The following ST6GALNAC3 variants were observed in gnomAD, a reference collection of about 807,000 sequenced individuals.
The protein encoded by ST6GALNAC3 is alpha-N-acetylgalactosaminide alpha-2,6-sialyltransferase 3.
A neutral mutation model predicts 32.7 loss-of-function variants in ST6GALNAC3; 25 were observed. The observed-to-expected ratio is 0.76, with a 90% CI of 0.56 to 1.07. ST6GALNAC3 has a LOEUF of 1.07. Among genes scored for constraint, ST6GALNAC3 ranks in the 50% least tolerant of loss-of-function variants. The pLI is 0.00. For synonymous variants in ST6GALNAC3, 129 were observed against 133.1 expected (o/e 0.97, Z 0.21); for missense variants, 355 against 382.4 (o/e 0.93, Z 0.60).
chr1:76,157,479 G>A (rs1325193022), intron 1 of ST6GALNAC3, among the ~76,000 whole-genome samples: 2 of 152,170 alleles, frequency 1.3e-5, no homozygotes, highest in African/African-American at 4.8e-5. Flanking sequence ...AGAGTACAGT[G>A]CTTGTGTACG....
chr1:76,272,054 G>A (rs548661379), intron 1 of ST6GALNAC3, among the ~76,000 whole-genome samples: 27 of 152,086 alleles, frequency 1.8e-4, no homozygotes, highest in South Asian at 1.2e-3. Flanking sequence ...AAAGCCGGGC[G>A]CGGTGGCTCA....
chr1:76,285,989 A>G (rs1337689582), intron 1 of ST6GALNAC3, among the ~76,000 whole-genome samples: 1 of 151,956 alleles, frequency 6.6e-6, no homozygotes, highest in Admixed American at 6.6e-5. Context: ...ACAGATGGAG[A>G]CACAGGAAAG....
chr1:76,464,535 T>C (rs146622581), intron 3 of ST6GALNAC3, among the ~76,000 whole-genome samples: 2 of 152,298 alleles, frequency 1.3e-5, no homozygotes, highest in Admixed American at 1.3e-4. Context: ...TGCTGACAAG[T>C]TGACCACCAG....
chr1:76,142,855 T>C, intron 1 of ST6GALNAC3: 1 of 455,376 alleles, frequency 2.2e-6, no homozygotes, highest in Non-Finnish European at 4.4e-6. Context: ...TTTCATCTGC[T>C]TCTGGATCAC....
intron 3 of ST6GALNAC3, among the ~76,000 whole-genome samples, chr1:76,481,201 A>T (rs1034257230): frequency 6.6e-6 from 1 of 152,210 alleles, no homozygotes; most frequent in African/African-American, 2.4e-5. Context: ...ATCCACATTC[A>T]TCAAGAAAAT....
At chr1:76,527,936 TC>T (rs1663015636) in intron 3 of ST6GALNAC3, among the ~76,000 whole-genome samples, 1 of 152,108 alleles carries the variant, frequency 6.6e-6, no homozygotes, top group South Asian at 2.1e-4. Flanking sequence ...AATCAACTGT[TC>T]CCTGACTTTG....
At chr1:76,169,696 G>A (rs938167919) in intron 1 of ST6GALNAC3, among the ~76,000 whole-genome samples, 1 of 151,822 alleles carries the variant, frequency 6.6e-6, no homozygotes, top group African/African-American at 2.4e-5. Context: ...GTCTTATTTC[G>A]GAAAGCCAGT....
intron 3 of ST6GALNAC3, among the ~76,000 whole-genome samples, chr1:76,530,799 A>G (rs1663204693): frequency 6.6e-6 from 1 of 152,162 alleles, no homozygotes; most frequent in African/African-American, 2.4e-5. Context: ...TGGTAACATA[A>G]CCAGTGATTT....
intron 3 of ST6GALNAC3, among the ~76,000 whole-genome samples, chr1:76,511,288 GTCC>G (rs1284039312): frequency 1.3e-5 from 2 of 152,170 alleles, no homozygotes; most frequent in African/African-American, 4.8e-5. Flanking sequence ...TCTGACCTCA[GTCC>G]TCCTCTCTGA....
Position 76,161,110 on chromosome 1 carries a change from T to C in ST6GALNAC3, c.18+86226T>C, listed in dbSNP as rs556370718. On this transcript the variant is annotated intron_variant, in intron 1 of 4. Transcript: ENST00000328299. ...GGTGACCTCTTGCTACTCTCCAGCA[T>C]TGTTAAGTGCTATTGCCTTTCAGAC... Among the ~76,000 whole-genome samples, 3 of 152,298 alleles carry C rather than the reference T, an allele frequency of 2.0e-5. No homozygotes were observed. In the East Asian group the frequency reaches 5.8e-4, roughly 29 times the overall value.
At chr1:76,154,907 G>T (rs1239899986) in intron 1 of ST6GALNAC3, among the ~76,000 whole-genome samples, 1 of 152,174 alleles carries the variant, frequency 6.6e-6, no homozygotes, top group Non-Finnish European at 1.5e-5. Flanking sequence ...TCATCTGGCA[G>T]CCACTGGGTG....
chr1:76,428,876 T>C (rs2101429344), intron 3 of ST6GALNAC3, among the ~76,000 whole-genome samples: 1 of 152,280 alleles, frequency 6.6e-6, no homozygotes. Context: ...AGAAATTGTA[T>C]ATGCGGAGAC....
intron 3 of ST6GALNAC3, among the ~76,000 whole-genome samples, chr1:76,609,237 C>T (rs895818317): frequency 6.6e-6 from 1 of 152,038 alleles, no homozygotes. Flanking sequence ...TCATCATTAA[C>T]ATTTTATGTC....
chr1:76,204,409 A>G (rs917042676), intron 1 of ST6GALNAC3, among the ~76,000 whole-genome samples: 1 of 152,230 alleles, frequency 6.6e-6, no homozygotes, highest in African/African-American at 2.4e-5. Flanking sequence ...TTAAAATTCT[A>G]AAGTAGAAGA....
intron 1 of ST6GALNAC3, among the ~76,000 whole-genome samples, chr1:76,078,074 CTGA>C (rs1646841541): frequency 6.6e-6 from 1 of 152,198 alleles, no homozygotes; most frequent in South Asian, 2.1e-4. Context: ...AGGCTTCCCA[CTGA>C]TGATATTGGA....
In ST6GALNAC3 at chr1:76,412,101, T is replaced by C; in HGVS notation, c.307T>C (p.Cys103Arg). 1 of 1,613,678 alleles carries C rather than the reference T, an allele frequency of 6.2e-7. No individual in the cohort carries two copies. The highest frequency in any genetic ancestry group is 8.5e-7 in the Non-Finnish European group (1 of 1,179,782). The change falls in exon 3 of 5, where the codon TGC becomes CGC. Residue 103 changes from cysteine to arginine, a missense_variant. By Grantham distance (180) the Cys-to-Arg change is radical (BLOSUM62 -3). Coordinates refer to ENST00000328299, the MANE Select transcript of ST6GALNAC3 (RefSeq NM_152996.4). ...KVGNEIDRSS[C>R]IWRMNNAPTK... ...GGGAAATGAGATAGATCGATCCTCC[T>C]GCATTTGGAGAATGAACAATGCCCC...
At chr1:76,160,575 C>A (rs11162090) in intron 1 of ST6GALNAC3, among the ~76,000 whole-genome samples, 91,285 of 151,994 alleles carry the variant, frequency 0.6, 29,749 homozygotes, top group East Asian at 0.93. Flanking sequence ...TAGGAGGCAC[C>A]CATCTTACTC....
chr1:76,181,511 T>A (rs1653177298), intron 1 of ST6GALNAC3, among the ~76,000 whole-genome samples: 1 of 152,244 alleles, frequency 6.6e-6, no homozygotes, highest in African/African-American at 2.4e-5. Flanking sequence ...AGTGTTTTAT[T>A]CTTTCAATTA....
At chr1:76,500,602 A>G (rs531875279) in intron 3 of ST6GALNAC3, among the ~76,000 whole-genome samples, 1 of 152,292 alleles carries the variant, frequency 6.6e-6, no homozygotes, top group African/African-American at 2.4e-5. Flanking sequence ...TCCCCTTTTA[A>G]TCAATGTCAC....
Sources: allele counts gnomAD v4.1 joint callset (sites outside exome capture counted in the v4.1 genomes callset), GRCh38; gene constraint gnomAD v4.1.1; transcripts MANE v1.5; gene names NCBI Gene and HGNC (gene_info 2026-07-23, HGNC 2026-07-21).